FSIP2: variants seen among roughly 807,000 people sequenced by gnomAD.
FSIP2 encodes the protein fibrous sheath interacting protein 2, also known as fibrous sheath-interacting protein 2.
A neutral mutation model predicts 510.5 loss-of-function variants in FSIP2; 367 were observed. The observed-to-expected ratio is 0.72, with a 90% CI of 0.66 to 0.78. The LOEUF (loss-of-function observed/expected upper bound fraction) is 0.78, where lower values mean the gene tolerates loss of function less well. FSIP2 is among the 30% of genes least tolerant of loss of function. The probability of loss-of-function intolerance (pLI) is 0.00; values close to 1 mark genes in which losing one functional copy is unlikely to be tolerated. For synonymous variants in FSIP2, 2,601 were observed against 2,732.2 expected (o/e 0.95, Z 1.50); for missense variants, 7,594 against 7,901.7 (o/e 0.96, Z 1.48).
At position 185,792,362 on chromosome 2, in the gene FSIP2, C is replaced by G; in HGVS notation, c.5226C>G (p.Ser1742=). Residue 1742 remains serine (S), a synonymous_variant, in exon 16 of 23, where the codon TCC becomes TCG. Coordinates refer to ENST00000424728, the MANE Select transcript of FSIP2 (RefSeq NM_173651.4). ...YTAKKIIDER[S]PQREEVKTRS... is the part of the protein sequence containing the mutation. Reference sequence around the variant, plus strand: ...CGAAAAAAATTATTGATGAGAGATCCCCACAAAGAGAAGAAGTGAAAACAC... The same window carrying G: ...CGAAAAAAATTATTGATGAGAGATCGCCACAAAGAGAAGAAGTGAAAACAC... 2 of 1,529,576 alleles carry G rather than the reference C, an allele frequency of 1.3e-6. No homozygotes were observed. The highest frequency in any genetic ancestry group is 2.8e-5 in the African/African-American group (2 of 72,384). The allele number at this position is 1,529,576 out of a possible 1,614,324, so 94.8% of individuals were successfully genotyped here.
At position 185,807,652 on chromosome 2, in the gene FSIP2, AAC is replaced by A. The variant is rs1164377171; in HGVS notation, c.18348_18349del (p.Ile6117SerfsTer2). 2 of 1,613,028 alleles carry A rather than the reference AAC, an allele frequency of 1.2e-6. No individual in the cohort carries two copies. The highest frequency in any genetic ancestry group is 2.2e-5 in the South Asian group (2 of 91,054). ...CAGTGGATGCAAAATCCTTTCAGAAAACATAGTTGACTTGGTTCTACGAGAAG... is the reference window on the plus strand; with the variant it reads ...CAGTGGATGCAAAATCCTTTCAGAAAATAGTTGACTTGGTTCTACGAGAAG... Reference protein sequence around the residue: ...VTSGCKILSENIVDLVLREVA... With the variant: ...VTSGCKILSEXIVDLVLREVA... On this transcript the variant is annotated frameshift_variant, in exon 17 of 23. Coordinates refer to ENST00000424728, the MANE Select transcript of FSIP2 (RefSeq NM_173651.4). LOFTEE classifies it high-confidence loss of function.
At chr2:185,821,567 G>A (rs937850971) in intron 19 of FSIP2, among the ~76,000 whole-genome samples, 1 of 151,732 alleles carries the variant, frequency 6.6e-6, no homozygotes, top group African/African-American at 2.4e-5. Context: ...TATATTAAAA[G>A]GTTTATAGAT....
Position 185,790,861 on chromosome 2 carries a change from A to G in FSIP2, c.3725A>G (p.Lys1242Arg). The G allele has an allele frequency of 6.5e-7, 1 of 1,532,808 alleles. No homozygotes were observed. The highest frequency in any genetic ancestry group is 1.2e-5 in the South Asian group (1 of 83,766). The allele number at this position is 1,532,808 out of a possible 1,614,324, so 95.0% of individuals were successfully genotyped here. Residue 1242 changes from lysine (K) to arginine (R), a missense_variant, in exon 16 of 23, where the codon AAG becomes AGG. Coordinates refer to ENST00000424728, the MANE Select transcript of FSIP2 (RefSeq NM_173651.4). ...TCTTTATTTGACGTTGATCCTGAAAAGCCTCCCTGGTTAAAATCTGGAAAA... is the reference window on the plus strand; with the variant it reads ...TCTTTATTTGACGTTGATCCTGAAAGGCCTCCCTGGTTAAAATCTGGAAAA... ...YLSLFDVDPE[K>R]PPWLKSGKSE... is the part of the protein sequence containing the mutation.
At position 185,796,120 on chromosome 2, in the gene FSIP2, C is replaced by T. The variant is rs1348434421; in HGVS notation, c.8984C>T (p.Thr2995Met). 22 of 1,534,242 alleles carry T rather than the reference C, an allele frequency of 1.4e-5. No homozygotes were observed. The highest frequency in any genetic ancestry group is 2.7e-5 in the African/African-American group (2 of 72,958). ...CAAATTGTTCAAGAGATTGTAGAAA[C>T]GGTTTTAAACATGTTAGAGTCATTT... ...SNQIVQEIVE[T>M]VLNMLESFVD... Residue 2995 changes from threonine (T) to methionine (M), a missense_variant, in exon 16 of 23, where the codon ACG (threonine) becomes ATG (methionine). Physicochemically the swap from Thr to Met is moderately conservative, Grantham distance 81. Transcript: ENST00000424728.
At chr2:185,737,385 C>G (rs1691804291), upstream of FSIP2, among the ~76,000 whole-genome samples, 1 of 152,100 alleles carries the variant, frequency 6.6e-6, no homozygotes, top group East Asian at 1.9e-4. Context: ...CATCAAAGAT[C>G]AAATTGATAC....
intron 20 of FSIP2, among the ~76,000 whole-genome samples, chr2:185,825,816 T>C (rs1352443888): frequency 6.6e-6 from 1 of 151,856 alleles, no homozygotes; most frequent in Non-Finnish European, 1.5e-5. Context: ...TCACAGAATT[T>C]ACACTTTAAC....
chr2:185,777,353 A>T (rs990722323), intron 13 of FSIP2, among the ~76,000 whole-genome samples: 5 of 151,676 alleles, frequency 3.3e-5, no homozygotes, highest in Non-Finnish European at 7.4e-5. Flanking sequence ...TCTGCGAATA[A>T]TAAAATTTAG....
At chr2:185,783,738 A>G (rs1692905324) in intron 14 of FSIP2, 1 of 152,192 alleles carries the variant, frequency 6.6e-6, no homozygotes, top group Admixed American at 6.5e-5. Context: ...TATTTGATAC[A>G]AACGTTTTTA....
chr2:185,769,005 C>T (rs1440400300), intron 13 of FSIP2, among the ~76,000 whole-genome samples: 1 of 152,102 alleles, frequency 6.6e-6, no homozygotes, highest in Non-Finnish European at 1.5e-5. Flanking sequence ...TATATATGTG[C>T]CATATTTTTA....
rs2105654624 is a variant in FSIP2, at chr2:185,807,507, A to G, written c.18201A>G (p.Ile6067Met). 1 of 1,611,320 alleles carries G rather than the reference A, an allele frequency of 6.2e-7. No individual in the cohort carries two copies. The highest frequency in any genetic ancestry group is 1.1e-5 in the South Asian group (1 of 90,862). ...TEISQDKYMTIQYVETLQSDD... is the reference protein window; with the variant it reads ...TEISQDKYMTMQYVETLQSDD... ...TCTCCCAAGATAAATATATGACTAT[A>G]CAGTATGTAGAAACCTTACAATCTG... Residue 6067 changes from isoleucine to methionine, a missense_variant, in exon 17 of 23, where the codon ATA becomes ATG. By Grantham distance (10) the Ile-to-Met change is conservative. Transcript: ENST00000424728.
rs1375981047 is a variant in FSIP2, at chr2:185,790,343, G to T, written c.3207G>T (p.Lys1069Asn). The T allele has an allele frequency of 1.3e-6, 2 of 1,533,454 alleles. No individual in the cohort carries two copies. Among genetic ancestry groups the T allele is most frequent in the Non-Finnish European group, 1.7e-6 (2 of 1,145,362 alleles). The allele number at this position is 1,533,454 out of a possible 1,614,324, so 95.0% of individuals were successfully genotyped here. Residue 1069 changes from lysine to asparagine, a missense_variant, in exon 16 of 23, where the codon AAG (lysine) becomes AAT (asparagine). Physicochemically the swap from Lys to Asn is moderately conservative, Grantham distance 94. Transcript: ENST00000424728. ...CTGCATTTCATGATTGGGAATTAAA[G>T]ACTGAGCCACCATCTACTAATCATG... ...SKAAFHDWEL[K>N]TEPPSTNHED...
rs556427070 is a variant in FSIP2 at position 185,813,658 on chromosome 2, T to A, written c.19941T>A (p.Asp6647Glu). 3 of 1,607,264 alleles carry A rather than the reference T, an allele frequency of 1.9e-6. No homozygotes were observed. In the African/African-American group the frequency reaches 4.0e-5, roughly 22 times the overall value. ...NDLIVRLVAH[D>E]IDQVYLENYI... is the part of the protein sequence containing the mutation. ...TTATTGTTCGATTAGTAGCTCATGA[T>A]ATTGATCAAGTGTATTTGGAAAATT... The change falls in exon 18 of 23, where the codon GAT (aspartate) becomes GAA (glutamate). Residue 6647 changes from aspartate to glutamate, a missense_variant. Asp to Glu is a conservative substitution (Grantham distance 45). Coordinates refer to ENST00000424728, the MANE Select transcript of FSIP2 (RefSeq NM_173651.4).
Position 185,790,440 on chromosome 2 carries a change from A to G in FSIP2, c.3304A>G (p.Ile1102Val). 6.5e-7 allele frequency: 1 copy of G among 1,533,228 alleles called. No individual in the cohort carries two copies. The highest frequency in any genetic ancestry group is 8.7e-7 in the Non-Finnish European group (1 of 1,145,358). The allele number at this position is 1,533,228 out of a possible 1,614,324, so 95.0% of individuals were successfully genotyped here. The change falls in exon 16 of 23, where the codon ATA becomes GTA. Residue 1102 changes from isoleucine (I) to valine (V), a missense_variant. Coordinates refer to ENST00000424728, the MANE Select transcript of FSIP2 (RefSeq NM_173651.4). Reference sequence around the variant, plus strand: ...TTTCAGCCAAGATCAAAAGCATCAAATAGAAAAGGCTTCAGAAAACATAGT... The same window carrying G: ...TTTCAGCCAAGATCAAAAGCATCAAGTAGAAAAGGCTTCAGAAAACATAGT... ...STFSQDQKHQ[I>V]EKASENIVTS... is the part of the protein sequence containing the mutation.
chr2:185,818,633 C>A (rs1693864945), intron 19 of FSIP2, among the ~76,000 whole-genome samples: 1 of 151,702 alleles, frequency 6.6e-6, no homozygotes. Context: ...TCATTAGTAA[C>A]CTTACAAGCC....
chr2:185,801,764 A>G lies in FSIP2; in HGVS notation c.12458A>G (p.Gln4153Arg), dbSNP rs1052944812. ...LEDVIRRLLS[Q>R]LIPPPITCSS... ...GATGTCATAAGAAGGCTTTTATCTC[A>G]GCTAATTCCTCCACCCATTACATGT... The change falls in exon 17 of 23, where the codon CAG (glutamine) becomes CGG (arginine). Residue 4153 changes from glutamine to arginine, a missense_variant. By Grantham distance (43) the Gln-to-Arg change is conservative. Coordinates refer to ENST00000424728, the MANE Select transcript of FSIP2 (RefSeq NM_173651.4). 9.8e-5 allele frequency: 150 copies of G among 1,524,014 alleles called. No individual in the cohort carries two copies. The highest frequency in any genetic ancestry group is 1.3e-4 in the Non-Finnish European group (144 of 1,139,312). The allele number at this position is 1,524,014 out of a possible 1,614,324, so 94.4% of individuals were successfully genotyped here.
rs1283923994 is a variant in FSIP2 at position 185,813,775 on chromosome 2, A to G, written c.20058A>G (p.Gln6686=). ...AAGGCATCAAAGTATTTGAAGATCA[A>G]GTGAAAGAAGTCAAGAAGCCAATAC... ...KEEGIKVFED[Q]VKEVKKPIQS... The change falls in exon 18 of 23, where the codon CAA becomes CAG. Residue 6686 remains glutamine, a synonymous_variant. Transcript: ENST00000424728. The G allele has an allele frequency of 6.2e-7, 1 of 1,613,294 alleles. No individual in the cohort carries two copies. The highest frequency in any genetic ancestry group is 2.2e-5 in the East Asian group (1 of 44,664).
In FSIP2 at chr2:185,805,834, T is replaced by C. The variant is rs1410863397; in HGVS notation, c.16528T>C (p.Leu5510=). Residue 5510 remains leucine (L), a synonymous_variant, in exon 17 of 23, where the codon TTG becomes CTG. Transcript: ENST00000424728. ...CGGCATGATTAACCTAACATCAGGGTTGGCTACAGGTGTGACAAATAAAAA... is the reference window on the plus strand; with the variant it reads ...CGGCATGATTAACCTAACATCAGGGCTGGCTACAGGTGTGACAAATAAAAA... ...KSGMINLTSG[L]ATGVTNKKEV... is the part of the protein sequence containing the mutation. 5.0e-6 allele frequency: 8 copies of C among 1,607,660 alleles called. No individual in the cohort carries two copies. The South Asian group carries it at 8.9e-5, about 18-fold the overall frequency.
upstream of FSIP2, chr2:185,738,803 C>T: frequency 6.5e-7 from 1 of 1,535,952 alleles, no homozygotes; most frequent in Non-Finnish European, 8.7e-7. Flanking sequence ...GGGCTCTGGC[C>T]ATTCCTGGTC....
In FSIP2 at chr2:185,805,571, T is replaced by C. The variant is rs1366036680; in HGVS notation, c.16265T>C (p.Leu5422Pro). Reference protein sequence around the residue: ...PDNITQRVQHLPQNTFTQISR... With the variant: ...PDNITQRVQHPPQNTFTQISR... The stretch of plus-strand genomic sequence containing the variant: ...AATATCACCCAAAGGGTTCAACACC[T>C]ACCACAAAACACCTTTACACAAATA... The change falls in exon 17 of 23, where the codon CTA (leucine) becomes CCA (proline). Residue 5422 changes from leucine to proline, a missense_variant. Transcript: ENST00000424728. The C allele has an allele frequency of 6.2e-7, 1 of 1,610,640 alleles. No individual in the cohort carries two copies. The highest frequency in any genetic ancestry group is 1.1e-5 in the South Asian group (1 of 90,732).
Sources: allele counts gnomAD v4.1 joint callset (sites outside exome capture counted in the v4.1 genomes callset), GRCh38; gene constraint gnomAD v4.1.1; transcripts MANE v1.5; gene names NCBI Gene and HGNC (gene_info 2026-07-23, HGNC 2026-07-21).